Variants in BAHCC1 observed in about 807,000 individuals in gnomAD.
The protein encoded by BAHCC1 is BAH and coiled-coil domain-containing protein 1.
BAHCC1 carries 43 observed loss-of-function variants against 88.2 expected under a neutral mutation model. That is an observed-to-expected ratio of 0.49 (90% CI 0.38 to 0.63). The LOEUF is 0.63. Ranked by LOEUF, BAHCC1 falls within the 20% of genes least tolerant of loss-of-function variation. BAHCC1 has a pLI of 0.00. For synonymous variants in BAHCC1, 1,510 were observed against 745.5 expected (o/e 2.03, Z -16.71); for missense variants, 3,023 against 1,654.8 (o/e 1.83, Z -14.34).
Position 81,442,038 on chromosome 17 carries a change from G to T in BAHCC1, c.689G>T (p.Gly230Val). 1.4e-6 allele frequency: 1 copy of T among 720,216 alleles called. No homozygotes were observed. The highest frequency in any genetic ancestry group is 1.5e-5 in the South Asian group (1 of 68,762). The allele number at this position is 720,216 out of a possible 1,614,324, so 44.6% of individuals were successfully genotyped here. A position where few individuals can be genotyped will look rare whatever the true frequency, so the allele number is the denominator to read the frequency against. Reference protein sequence around the residue: ...VGKELGREKAGKAAEGKERPA... With the variant: ...VGKELGREKAVKAAEGKERPA... ...AAAGAGCTGGGCAGAGAGAAGGCGG[G>T]CAAGGCCGCTGAGGGCAAGGAGCGG... The change falls in exon 5 of 28, where the codon GGC becomes GTC. Residue 230 changes from glycine (G) to valine (V), a missense_variant. Transcript: ENST00000675386.
Position 81,461,972 on chromosome 17 carries a change from G to C in BAHCC1, c.7309G>C (p.Val2437Leu). 2 of 775,008 alleles carry C rather than the reference G, an allele frequency of 2.6e-6. No individual in the cohort carries two copies. Among genetic ancestry groups the C allele is most frequent in the Admixed American group, 1.7e-5 (1 of 58,408 alleles). The allele number at this position is 775,008 out of a possible 1,614,324, so 48.0% of individuals were successfully genotyped here. The change falls in exon 26 of 28, where the codon GTG becomes CTG. Residue 2437 changes from valine to leucine, a missense_variant. Physicochemically the swap from Val to Leu is conservative, Grantham distance 32 (BLOSUM62 1). Transcript: ENST00000675386. ...CTCCCGGAGGCAGCGGCCGCCCTCCGTGGAAAACCGGCCAAAGATCTCAGC... is the reference window on the plus strand; with the variant it reads ...CTCCCGGAGGCAGCGGCCGCCCTCCCTGGAAAACCGGCCAAAGATCTCAGC... ...ELSRRQRPPS[V>L]ENRPKISAFL...
At chr17:81,428,034 G>A (rs887763778) in intron 3 of BAHCC1, among the ~76,000 whole-genome samples, 56 of 152,342 alleles carry the variant, frequency 3.7e-4, no homozygotes, top group Non-Finnish European at 6.9e-4. Context: ...GGCTCAGGGC[G>A]CACATGTTGG....
intron 2 of BAHCC1, among the ~76,000 whole-genome samples, chr17:81,416,680 G>T (rs1238050812): frequency 2.0e-5 from 3 of 152,214 alleles, no homozygotes; most frequent in Non-Finnish European, 2.9e-5. Flanking sequence ...GCACACAGGA[G>T]GGTGAGAGCC....
Position 81,445,196 on chromosome 17 carries a change from G to A in BAHCC1, c.2835+18G>A, listed in dbSNP as rs533090069. The A allele has an allele frequency of 3.4e-5, 26 of 753,988 alleles. No individual in the cohort carries two copies. The highest frequency in any genetic ancestry group is 2.5e-5 in the Non-Finnish European group (10 of 406,184). 46.7% of individuals were successfully genotyped at this position (753,988 alleles called of 1,614,324 possible). A position where few individuals can be genotyped will look rare whatever the true frequency, so the allele number is the denominator to read the frequency against. On this transcript the variant is annotated intron_variant, in intron 9 of 27. Transcript: ENST00000675386. ...AGTTCCAGGTACCGCCCCTAGCCAC[G>A]CTCACCTGGGCCGGGCACTTCTCCC...
intron 3 of BAHCC1, among the ~76,000 whole-genome samples, chr17:81,433,989 C>T (rs1445967160): frequency 2.0e-5 from 3 of 152,142 alleles, no homozygotes; most frequent in African/African-American, 4.8e-5. Flanking sequence ...TGTGGCTGCA[C>T]GGCAGGGACG....
chr17:81,405,146 C>T (rs781981283), intron 2 of BAHCC1, among the ~76,000 whole-genome samples: 1 of 152,166 alleles, frequency 6.6e-6, no homozygotes, highest in Admixed American at 6.5e-5. Flanking sequence ...TGCCTCACTG[C>T]AACCTCTGCC....
chr17:81,456,208 C>A, intron 15 of BAHCC1, 89 bp from the exon 16 acceptor site: 1 of 655,356 alleles, frequency 1.5e-6, no homozygotes, highest in Admixed American at 2.8e-5. Context: ...AGTTCTGAGC[C>A]GGGCATCAAC....
chr17:81,460,685 T>C lies in BAHCC1; in HGVS notation c.6181T>C (p.Ser2061Pro), dbSNP rs2030176118. Residue 2061 changes from serine to proline, a missense_variant, in exon 25 of 28, where the codon TCC becomes CCC. Ser to Pro is a moderately conservative substitution (Grantham distance 74, BLOSUM62 -1). Coordinates refer to ENST00000675386, the MANE Select transcript of BAHCC1 (RefSeq NM_001377448.1). ...PEALKTPGKK[S>P]ISKDKAGKAE... The stretch of plus-strand genomic sequence containing the variant: ...AGCTTTGAAGACACCTGGGAAAAAA[T>C]CCATTAGCAAAGACAAAGCTGGTAT... 1.3e-6 allele frequency: 1 copy of C among 772,884 alleles called. No individual in the cohort carries two copies. Among genetic ancestry groups the C allele is most frequent in the African/African-American group, 1.7e-5 (1 of 58,794 alleles). 47.9% of individuals were successfully genotyped at this position (772,884 alleles called of 1,614,324 possible). A position where few individuals can be genotyped will look rare whatever the true frequency, so the allele number is the denominator to read the frequency against.
chr17:81,455,440 G>GGTCCCTTCCT lies in BAHCC1; in HGVS notation c.4569+52_4569+61dup, dbSNP rs1401254549. 4.4e-5 allele frequency: 31 copies of GGTCCCTTCCT among 705,656 alleles called. No individual in the cohort carries two copies. The Admixed American group carries it at 4.4e-4, about 10-fold the overall frequency. 43.7% of individuals were successfully genotyped at this position (705,656 alleles called of 1,614,324 possible). A position where few individuals can be genotyped will look rare whatever the true frequency, so the allele number is the denominator to read the frequency against. On this transcript the variant is annotated intron_variant, in intron 15 of 27. Transcript: ENST00000675386. ...CCCCAGGGCCCTTCAGGTCCCTTCAGGTCCCTTCCTGGCAGGTAGCAGACT... is the reference window on the plus strand; with the variant it reads ...CCCCAGGGCCCTTCAGGTCCCTTCAGGTCCCTTCCTGTCCCTTCCTGGCAGGTAGCAGACT...
In BAHCC1 at chr17:81,442,003, C is replaced by A. The variant is rs1555652612; in HGVS notation, c.654C>A (p.Phe218Leu). ...AGGGCCCCAAGGACTTCGACCGCTT[C>A]CTCGTGGGCAAAGAGCTGGGCAGAG... ...LQKGPKDFDR[F>L]LVGKELGREK... Residue 218 changes from phenylalanine (F) to leucine (L), a missense_variant, in exon 5 of 28, where the codon TTC becomes TTA. Transcript: ENST00000675386. 2.7e-6 allele frequency: 2 copies of A among 740,642 alleles called. No homozygotes were observed. The highest frequency in any genetic ancestry group is 4.7e-4 in the Middle Eastern group (2 of 4,298). 45.9% of individuals were successfully genotyped at this position (740,642 alleles called of 1,614,324 possible).
intron 14 of BAHCC1, among the ~76,000 whole-genome samples, chr17:81,455,046 C>T (rs1394151438): frequency 2.0e-5 from 3 of 152,156 alleles, no homozygotes; most frequent in East Asian, 1.9e-4. Context: ...TGCTGAGGGC[C>T]GGTGGTTGGC....
chr17:81,449,836 C>T (rs1555655387), intron 11 of BAHCC1, among the ~76,000 whole-genome samples: 1 of 152,192 alleles, frequency 6.6e-6, no homozygotes, highest in African/African-American at 2.4e-5. Flanking sequence ...GTAATGACTT[C>T]TGGGGATGGA....
chr17:81,420,926 G>C (rs1163482553), intron 2 of BAHCC1, among the ~76,000 whole-genome samples: 1 of 152,268 alleles, frequency 6.6e-6, no homozygotes, highest in Non-Finnish European at 1.5e-5. Context: ...GTGGGGACAG[G>C]CCGTGTTCAG....
At position 81,458,921 on chromosome 17, in the gene BAHCC1, G is replaced by C. The variant is rs782503136; in HGVS notation, c.5557G>C (p.Glu1853Gln). ...FSEEEEDEEE[E>Q]EEDSGPLSAE... ...GGAAGAGGAGGAGGACGAGGAGGAA[G>C]AGGAGGAGGACAGCGGCCCTCTGAG... Residue 1853 changes from glutamate to glutamine, a missense_variant, in exon 20 of 28, where the codon GAG becomes CAG. Coordinates refer to ENST00000675386, the MANE Select transcript of BAHCC1 (RefSeq NM_001377448.1). 1.3e-6 allele frequency: 1 copy of C among 769,452 alleles called. No individual in the cohort carries two copies. Among genetic ancestry groups the C allele is most frequent in the Admixed American group, 1.7e-5 (1 of 58,446 alleles). 47.7% of individuals were successfully genotyped at this position (769,452 alleles called of 1,614,324 possible). A position where few individuals can be genotyped will look rare whatever the true frequency, so the allele number is the denominator to read the frequency against.
At chr17:81,437,138 T>C (rs117339405) in intron 3 of BAHCC1, among the ~76,000 whole-genome samples, 1,819 of 152,256 alleles carry the variant, frequency 0.012, 13 homozygotes, top group Non-Finnish European at 0.018. Flanking sequence ...GCAGGAGTTT[T>C]AGAGGGTGAG....
chr17:81,421,999 C>G, intron 2 of BAHCC1: 1 of 355,770 alleles, frequency 2.8e-6, no homozygotes, highest in Non-Finnish European at 5.5e-6. Context: ...TCGGGTGACT[C>G]CGCTTCCTCT....
At position 81,445,069 on chromosome 17, in the gene BAHCC1, C is replaced by T; in HGVS notation, c.2726C>T (p.Pro909Leu). ...CCCCCCATGTACGGGGGCCGGGGCC[C>T]CGCCTCTCACATGCAGCACCCGGGC... The part of the protein sequence containing the change: ...LWPPMYGGRG[P>L]ASHMQHPGQL... Residue 909 changes from proline (P) to leucine (L), a missense_variant, in exon 9 of 28, where the codon CCC (proline) becomes CTC (leucine). Pro to Leu is a moderately conservative substitution (Grantham distance 98). Coordinates refer to ENST00000675386, the MANE Select transcript of BAHCC1 (RefSeq NM_001377448.1). 1.3e-6 allele frequency: 1 copy of T among 768,662 alleles called. No individual in the cohort carries two copies. The highest frequency in any genetic ancestry group is 2.4e-6 in the Non-Finnish European group (1 of 413,998). 47.6% of individuals were successfully genotyped at this position (768,662 alleles called of 1,614,324 possible).
intron 3 of BAHCC1, among the ~76,000 whole-genome samples, chr17:81,436,407 C>T (rs1555651754): frequency 6.6e-6 from 1 of 152,218 alleles, no homozygotes; most frequent in East Asian, 1.9e-4. Context: ...GAGGCCTGGA[C>T]CTCTGGAGGG....
chr17:81,403,148 G>A (rs1555646318), intron 2 of BAHCC1, among the ~76,000 whole-genome samples: 1 of 152,334 alleles, frequency 6.6e-6, no homozygotes, highest in East Asian at 1.9e-4. Context: ...GTGTGTGTGT[G>A]ATCCGAGGCA....
Sources: gnomAD v4.1 joint callset for allele counts (sites outside exome capture counted in the v4.1 genomes callset) on GRCh38, gnomAD v4.1.1 for gene constraint, MANE v1.5 for transcripts, NCBI Gene and HGNC (gene_info 2026-07-23, HGNC 2026-07-21) for gene names.